BRD10: variants seen among roughly 807,000 people sequenced by gnomAD.
BRD10 encodes the protein uncharacterized bromodomain-containing protein 10.
the BRD10 span, among the ~76,000 whole-genome samples, chr9:5,965,198 C>G: frequency 1.3e-5 from 2 of 151,812 alleles, no homozygotes; most frequent in Non-Finnish European, 2.9e-5. Context: ...ACTTAGTCCA[C>G]CCTAAGTGAA....
At chr9:5,979,471 T>A in the BRD10 span, among the ~76,000 whole-genome samples, 1 of 150,816 alleles carries the variant, frequency 6.6e-6, no homozygotes, top group African/African-American at 2.4e-5. Context: ...CGTGATCACA[T>A]CATGCCAGCC....
chr9:5,905,888 A>G, the BRD10 span, among the ~76,000 whole-genome samples: 1 of 152,254 alleles, frequency 6.6e-6, no homozygotes, highest in African/African-American at 2.4e-5. Flanking sequence ...TCATATCGGC[A>G]CAGAATAAAC....
At chr9:5,891,072 T>G in the BRD10 span, 1 of 152,160 alleles carries the variant, frequency 6.6e-6, no homozygotes, top group African/African-American at 2.4e-5. Context: ...CCGCAACGTT[T>G]GTCAGTCTCC....
the BRD10 span, among the ~76,000 whole-genome samples, chr9:6,006,487 C>A: frequency 6.6e-6 from 1 of 152,146 alleles, no homozygotes; most frequent in East Asian, 1.9e-4. Context: ...TAGTATCCTC[C>A]TCTTGTGTTA....
chr9:5,922,337 A>G, the BRD10 span: 1 of 1,613,860 alleles, frequency 6.2e-7, no homozygotes, highest in Non-Finnish European at 8.5e-7. Flanking sequence ...GGGCAAGGAG[A>G]ATGTGGCTGC....
the BRD10 span, among the ~76,000 whole-genome samples, chr9:5,928,856 G>A: frequency 1.3e-5 from 2 of 151,934 alleles, no homozygotes; most frequent in East Asian, 1.9e-4. Flanking sequence ...AAGTCACAGA[G>A]TGGAGACTTT....
the BRD10 span, chr9:5,920,984 G>T: frequency 6.2e-7 from 1 of 1,613,968 alleles, no homozygotes; most frequent in African/African-American, 1.3e-5. Flanking sequence ...AGCTGAAGCA[G>T]AGGCTGAGGT....
the BRD10 span, among the ~76,000 whole-genome samples, chr9:5,899,970 C>A: frequency 1.3e-5 from 2 of 152,112 alleles, no homozygotes; most frequent in Admixed American, 6.5e-5. Context: ...CAATGTATAT[C>A]CATTTTTATT....
the BRD10 span, among the ~76,000 whole-genome samples, chr9:5,959,889 C>A: frequency 1.3e-5 from 2 of 152,170 alleles, no homozygotes; most frequent in African/African-American, 2.4e-5. Context: ...AAAAATGACA[C>A]CCTTCTATCA....
the BRD10 span, among the ~76,000 whole-genome samples, chr9:5,883,610 T>G: frequency 1.3e-5 from 2 of 151,656 alleles, no homozygotes. Context: ...TGACCACAGG[T>G]GCGCACCAAC....
At chr9:5,954,768 G>A in the BRD10 span, among the ~76,000 whole-genome samples, 8 of 152,024 alleles carry the variant, frequency 5.3e-5, no homozygotes, top group Non-Finnish European at 1.2e-4. Context: ...TGTATTTAAC[G>A]TGACAAAAAA....
the BRD10 span, among the ~76,000 whole-genome samples, chr9:5,902,848 T>A: frequency 6.6e-6 from 1 of 152,128 alleles, no homozygotes; most frequent in Non-Finnish European, 1.5e-5. Context: ...CTCTAATTTT[T>A]ATTTTTCCGC....
At chr9:5,926,652 C>T in the BRD10 span, among the ~76,000 whole-genome samples, 2 of 152,238 alleles carry the variant, frequency 1.3e-5, no homozygotes, top group East Asian at 3.9e-4. Flanking sequence ...CTGCTTCAGC[C>T]TCCTGAGTAG....
the BRD10 span, among the ~76,000 whole-genome samples, chr9:5,980,009 C>G: frequency 8.3e-6 from 1 of 119,802 alleles, no homozygotes; most frequent in Admixed American, 8.7e-5. Flanking sequence ...AGCAAGACTC[C>G]ATCTCAAAAA....
the BRD10 span, chr9:5,968,692 C>T: frequency 6.2e-7 from 1 of 1,613,834 alleles, no homozygotes; most frequent in African/African-American, 1.3e-5. Flanking sequence ...CATAGTCACA[C>T]TTCAATTTCT....
chr9:5,957,513 T>G, the BRD10 span, among the ~76,000 whole-genome samples: 2 of 152,120 alleles, frequency 1.3e-5, no homozygotes, highest in Non-Finnish European at 2.9e-5. Context: ...GTAAAGAAAC[T>G]GATGGAGGAG....
chr9:5,955,921 A>AT, the BRD10 span, among the ~76,000 whole-genome samples: 2 of 152,160 alleles, frequency 1.3e-5, no homozygotes, highest in African/African-American at 4.8e-5. Flanking sequence ...ACTGAGTGCC[A>AT]TAAGTATTGC....
chr9:5,952,946 T>C, the BRD10 span, among the ~76,000 whole-genome samples: 1 of 152,216 alleles, frequency 6.6e-6, no homozygotes, highest in Non-Finnish European at 1.5e-5. Flanking sequence ...GAAATGTTTG[T>C]AATTCATCCT....
chr9:5,981,366 T>A, the BRD10 span, among the ~76,000 whole-genome samples: 36,807 of 152,234 alleles, frequency 0.24, 4,598 homozygotes, highest in Middle Eastern at 0.34. Flanking sequence ...TACAGCCTTA[T>A]TTCTTAAGAT....
Sources: allele counts gnomAD v4.1 joint callset (sites outside exome capture counted in the v4.1 genomes callset), GRCh38; gene constraint gnomAD v4.1.1; transcripts MANE v1.5; gene names NCBI Gene and HGNC (gene_info 2026-07-23, HGNC 2026-07-21).